Variants in RBFOX1 observed in about 807,000 individuals in gnomAD.
RBFOX1 encodes RNA binding fox-1 homolog 1, also known as RNA binding protein fox-1 homolog 1.
In RBFOX1, 8 loss-of-function variants were observed where a neutral mutation model predicts 57.7. That is an observed-to-expected ratio of 0.14 (90% confidence interval 0.08 to 0.25). The LOEUF (loss-of-function observed/expected upper bound fraction) is 0.25, where lower values mean the gene tolerates loss of function less well. Ranked by LOEUF, RBFOX1 falls within the 10% of genes least tolerant of loss-of-function variation. The probability of loss-of-function intolerance (pLI) is 1.00; values close to 1 mark genes in which losing one functional copy is unlikely to be tolerated. For missense variants in RBFOX1, 611 were observed against 548.5 expected, an observed-to-expected ratio of 1.11 and a Z score of -1.14; for synonymous variants, 326 against 222.4, an observed-to-expected ratio of 1.47 and a Z score of -4.15.
At chr16:6,702,946 G>A (rs1276376862) in intron 3 of RBFOX1, among the ~76,000 whole-genome samples, 1 of 152,048 alleles carries the variant, frequency 6.6e-6, no homozygotes, top group African/African-American at 2.4e-5. Flanking sequence ...CCCAGCCTCT[G>A]GCCACCAGCA....
intron 1 of RBFOX1, among the ~76,000 whole-genome samples, chr16:5,394,983 G>A (rs988227634): frequency 2.6e-5 from 4 of 152,108 alleles, no homozygotes; most frequent in African/African-American, 9.7e-5. Flanking sequence ...TTGCCCTCTG[G>A]CCTGTACCTT....
At chr16:7,026,484 A>C (rs535195872) in intron 3 of RBFOX1, among the ~76,000 whole-genome samples, 1 of 152,070 alleles carries the variant, frequency 6.6e-6, no homozygotes, top group South Asian at 2.1e-4. Flanking sequence ...TCACACTTCC[A>C]ATCTGCCTCT....
At chr16:7,697,736 T>C (rs2079243519) in intron 14 of RBFOX1, among the ~76,000 whole-genome samples, 1 of 152,144 alleles carries the variant, frequency 6.6e-6, no homozygotes, top group Non-Finnish European at 1.5e-5. Context: ...CACCTTTTTC[T>C]TCACCCTTGG....
intron 4 of RBFOX1, among the ~76,000 whole-genome samples, chr16:7,110,246 G>C (rs1406411818): frequency 2.6e-5 from 4 of 151,154 alleles, no homozygotes; most frequent in African/African-American, 7.3e-5. Context: ...TGTAGTCCCA[G>C]CTTCTCGGGG....
intron 4 of RBFOX1, among the ~76,000 whole-genome samples, chr16:7,317,286 G>T (rs141291676): frequency 1.1e-4 from 17 of 152,280 alleles, no homozygotes; most frequent in African/African-American, 3.6e-4. Context: ...CCTGAAGTCA[G>T]ACTTCGGCAG....
intron 4 of RBFOX1, among the ~76,000 whole-genome samples, chr16:7,124,009 C>T (rs572446510): frequency 3.5e-4 from 54 of 152,122 alleles, no homozygotes; most frequent in African/African-American, 1.2e-3. Context: ...CTATTTAATT[C>T]TAAAAATGGA....
At chr16:7,383,442 A>T (rs1319581483) in intron 4 of RBFOX1, among the ~76,000 whole-genome samples, 1 of 152,136 alleles carries the variant, frequency 6.6e-6, no homozygotes. Flanking sequence ...ACATTGAAAT[A>T]ATCTCTTGAA....
At chr16:6,992,102 C>A (rs555624701) in intron 3 of RBFOX1, among the ~76,000 whole-genome samples, 10 of 151,954 alleles carry the variant, frequency 6.6e-5, no homozygotes, top group African/African-American at 2.4e-4. Flanking sequence ...TTAGGGAGAA[C>A]GGGTGTAGCT....
intron 3 of RBFOX1, among the ~76,000 whole-genome samples, chr16:6,914,045 G>C (rs1038607556): frequency 6.6e-6 from 1 of 152,170 alleles, no homozygotes; most frequent in Non-Finnish European, 1.5e-5. Context: ...AAATAGTGTT[G>C]CATTCTGGGT....
chr16:5,885,748 T>C (rs2057882551), intron 4 of RBFOX1, among the ~76,000 whole-genome samples: 1 of 152,170 alleles, frequency 6.6e-6, no homozygotes, highest in African/African-American at 2.4e-5. Context: ...AGTGATTTTC[T>C]TACTTAGGCA....
intron 4 of RBFOX1, among the ~76,000 whole-genome samples, chr16:7,284,616 C>T (rs1052822368): frequency 6.6e-5 from 10 of 152,202 alleles, no homozygotes; most frequent in Non-Finnish European, 1.2e-4. Flanking sequence ...CAGGCATAAG[C>T]CACCACTCCT....
chr16:5,244,694 C>G (rs969881364), intron 1 of RBFOX1, among the ~76,000 whole-genome samples: 3 of 152,252 alleles, frequency 2.0e-5, no homozygotes, highest in African/African-American at 7.2e-5. Flanking sequence ...GTGAGGCAGG[C>G]TCCTGAGGAA....
chr16:5,243,791 T>A (rs1596288675), intron 1 of RBFOX1, among the ~76,000 whole-genome samples: 1 of 152,228 alleles, frequency 6.6e-6, no homozygotes, highest in Non-Finnish European at 1.5e-5. Context: ...CTCAGTTTTC[T>A]CATCTATAAA....
intron 13 of RBFOX1, among the ~76,000 whole-genome samples, chr16:7,665,277 C>G (rs1428335895): frequency 6.6e-6 from 1 of 152,178 alleles, no homozygotes; most frequent in Admixed American, 6.5e-5. Flanking sequence ...AATTGTCTCT[C>G]AAGTTCTCGA....
Position 7,151,427 on chromosome 16 carries a change from A to C in RBFOX1, c.27+99329A>C, listed in dbSNP as rs1213681260. 3.9e-5 allele frequency among the ~76,000 whole-genome samples: 6 copies of C among 152,146 alleles called. No homozygotes were observed. The South Asian group carries it at 1.0e-3, about 26-fold the overall frequency. The stretch of plus-strand genomic sequence containing the variant: ...AGGGTAAAGGGGTTAAACTAATGTC[A>C]CTAATGTCTTTACTTGTTCGTCATC... On this transcript the variant is annotated intron_variant, in intron 4 of 15. Coordinates refer to ENST00000550418, the MANE Select transcript of RBFOX1 (RefSeq NM_018723.4).
At chr16:7,684,878 T>C (rs2075723430) in intron 14 of RBFOX1, among the ~76,000 whole-genome samples, 2 of 152,050 alleles carry the variant, frequency 1.3e-5, no homozygotes, top group Non-Finnish European at 2.9e-5. Context: ...AGAATGATCG[T>C]TTCCCCACTA....
At chr16:6,466,900 C>G (rs1224556891) in intron 2 of RBFOX1, among the ~76,000 whole-genome samples, 2 of 152,060 alleles carry the variant, frequency 1.3e-5, no homozygotes, top group African/African-American at 4.8e-5. Flanking sequence ...AGTGTTTTCT[C>G]TCTGTGTCAA....
intron 4 of RBFOX1, among the ~76,000 whole-genome samples, chr16:7,413,517 C>T (rs569639893): frequency 3.9e-5 from 6 of 152,114 alleles, no homozygotes; most frequent in African/African-American, 1.4e-4. Flanking sequence ...ACTTTGCAAG[C>T]CACTGAGATG....
chr16:6,623,874 T>A (rs2098269202), intron 2 of RBFOX1, among the ~76,000 whole-genome samples: 1 of 152,214 alleles, frequency 6.6e-6, no homozygotes, highest in Non-Finnish European at 1.5e-5. Flanking sequence ...TTCCAAGTCT[T>A]TGCTATTGTG....
Sources: gnomAD v4.1 joint callset for allele counts (sites outside exome capture counted in the v4.1 genomes callset) on GRCh38, gnomAD v4.1.1 for gene constraint, MANE v1.5 for transcripts, NCBI Gene and HGNC (gene_info 2026-07-23, HGNC 2026-07-21) for gene names.